ZNF532: variants seen among roughly 807,000 people sequenced by gnomAD.
ZNF532 encodes the protein zinc finger protein 532.
In ZNF532, 22 loss-of-function variants were observed where a neutral mutation model predicts 89.3. The ratio of observed to expected loss-of-function variants is 0.25; its 90% CI spans 0.18 to 0.35. ZNF532 has a LOEUF of 0.35. Among genes scored for constraint, ZNF532 ranks in the 10% least tolerant of loss-of-function variants. The probability of loss-of-function intolerance (pLI) is 1.00; values close to 1 mark genes in which losing one functional copy is unlikely to be tolerated. For synonymous variants in ZNF532, 606 were observed against 649.6 expected (o/e 0.93, Z 1.02); for missense variants, 1,132 against 1,643.4 (o/e 0.69, Z 5.38).
chr18:58,922,295 T>C (rs1365291647), intron 3 of ZNF532, among the ~76,000 whole-genome samples: 2 of 152,216 alleles, frequency 1.3e-5, no homozygotes, highest in African/African-American at 4.8e-5. Context: ...GCTATCTTGG[T>C]GATTAGTTCC....
chr18:58,948,325 C>T, intron 6 of ZNF532, 96 bp downstream of exon 6: 4 of 1,299,984 alleles, frequency 3.1e-6, no homozygotes, highest in Non-Finnish European at 4.2e-6. Context: ...AAGCATGCCT[C>T]ACTGTCGAGG....
At chr18:58,941,470 T>C (rs534786536) in intron 5 of ZNF532, among the ~76,000 whole-genome samples, 83 of 141,370 alleles carry the variant, frequency 5.9e-4, no homozygotes, top group South Asian at 2.3e-3. Context: ...CTCTCTCTCT[T>C]TTTTTTTTTT....
At chr18:58,967,866 G>A (rs530092048) in intron 7 of ZNF532, among the ~76,000 whole-genome samples, 21 of 152,306 alleles carry the variant, frequency 1.4e-4, no homozygotes, top group African/African-American at 4.3e-4. Context: ...ATTGCCGGCC[G>A]AAAGGGAGTG....
chr18:58,883,779 C>G (rs770915813), intron 2 of ZNF532, among the ~76,000 whole-genome samples: 4 of 152,156 alleles, frequency 2.6e-5, no homozygotes, highest in African/African-American at 4.8e-5. Context: ...AGCATGCCTC[C>G]TCCCCCAAGT....
intron 2 of ZNF532, among the ~76,000 whole-genome samples, chr18:58,895,658 G>T (rs1353904719): frequency 6.6e-6 from 1 of 152,134 alleles, no homozygotes; most frequent in Non-Finnish European, 1.5e-5. Context: ...AGCTTGAAAT[G>T]TATCCCAGTG....
At chr18:58,906,016 G>T (rs1224461055) in intron 2 of ZNF532, among the ~76,000 whole-genome samples, 1 of 152,216 alleles carries the variant, frequency 6.6e-6, no homozygotes, top group African/African-American at 2.4e-5. Context: ...CTCGGAGGCA[G>T]TGTGCCATTC....
chr18:58,975,017 C>T (rs1390858959), intron 7 of ZNF532, among the ~76,000 whole-genome samples: 1 of 152,110 alleles, frequency 6.6e-6, no homozygotes, highest in Non-Finnish European at 1.5e-5. Context: ...TTTAGGAGCA[C>T]CGATGTTGCA....
intron 2 of ZNF532, among the ~76,000 whole-genome samples, chr18:58,895,565 C>A (rs1427845609): frequency 6.6e-6 from 1 of 152,222 alleles, no homozygotes; most frequent in African/African-American, 2.4e-5. Context: ...ACGGACGGGC[C>A]TGCCTGTTGG....
At chr18:58,949,249 C>G (rs2063932436) in intron 6 of ZNF532, among the ~76,000 whole-genome samples, 1 of 152,126 alleles carries the variant, frequency 6.6e-6, no homozygotes, top group South Asian at 2.1e-4. Context: ...TAACTGTCCA[C>G]TGTAATATGT....
intron 2 of ZNF532, among the ~76,000 whole-genome samples, chr18:58,885,114 G>A (rs1217329668): frequency 3.3e-5 from 5 of 151,420 alleles, no homozygotes; most frequent in African/African-American, 7.3e-5. Context: ...TCAGCCTTCC[G>A]AGTAGCTGGG....
chr18:58,934,736 C>T, intron 4 of ZNF532, 122 bp downstream of exon 4: 12 of 954,472 alleles, frequency 1.3e-5, no homozygotes, highest in Non-Finnish European at 1.7e-5. Flanking sequence ...AACAGATCCT[C>T]TGGGAACCTA....
At chr18:58,873,432 T>C (rs1364649769) in intron 2 of ZNF532, among the ~76,000 whole-genome samples, 1 of 152,106 alleles carries the variant, frequency 6.6e-6, no homozygotes, top group African/African-American at 2.4e-5. Context: ...AGCTGGTCTT[T>C]GATGATTTTG....
intron 2 of ZNF532, among the ~76,000 whole-genome samples, chr18:58,906,654 T>G (rs78132082): frequency 6.6e-6 from 1 of 152,346 alleles, no homozygotes; most frequent in East Asian, 1.9e-4. Flanking sequence ...CCTTCTCCCA[T>G]GACCTCACTT....
rs776516812 is a variant in ZNF532 at position 58,939,582 on chromosome 18, C to T, written c.2666C>T (p.Ala889Val). The T allele has an allele frequency of 5.6e-6, 9 of 1,613,900 alleles. No homozygotes were observed. Among genetic ancestry groups the T allele is most frequent in the Non-Finnish European group, 7.6e-6 (9 of 1,179,970 alleles). ...TCTGCCCCAAGCACACATTCCCACGCCTACACACAGCATCCTGGCATCAAG... is the reference window on the plus strand; with the variant it reads ...TCTGCCCCAAGCACACATTCCCACGTCTACACACAGCATCCTGGCATCAAG... ...FKSAPSTHSHAYTQHPGIKIG... is the reference protein window; with the variant it reads ...FKSAPSTHSHVYTQHPGIKIG... The change falls in exon 5 of 10, where the codon GCC becomes GTC. Residue 889 changes from alanine (A) to valine (V), a missense_variant. Around this residue, in one of 9 missense-constraint regions of ZNF532, gnomAD observed 415 missense variants for 604.8 expected, o/e 0.69. Coordinates refer to ENST00000591808, the MANE Select transcript of ZNF532 (RefSeq NM_001375912.1).
chr18:58,906,329 G>A (rs1471211908), intron 2 of ZNF532, among the ~76,000 whole-genome samples: 2 of 151,968 alleles, frequency 1.3e-5, no homozygotes, highest in African/African-American at 4.8e-5. Context: ...TAATATTTTG[G>A]GTTGTAACAC....
chr18:58,918,185 T>C (rs969229560), intron 2 of ZNF532, 86 bp from the exon 3 acceptor site: 8 of 1,233,842 alleles, frequency 6.5e-6, no homozygotes, highest in Non-Finnish European at 8.9e-6. Context: ...TAGTAATCGT[T>C]ATGTTAGTGT....
chr18:58,940,923 TACACACAC>T (rs200614911), intron 5 of ZNF532, among the ~76,000 whole-genome samples: 72 of 118,644 alleles, frequency 6.1e-4, no homozygotes, highest in East Asian at 3.9e-3. Flanking sequence ...TGCCATATTT[TACACACAC>T]ACACACACAC....
chr18:58,934,445 A>C lies in ZNF532; in HGVS notation c.2359A>C (p.Ile787Leu). The C allele has an allele frequency of 6.2e-7, 1 of 1,613,850 alleles. No homozygotes were observed. The highest frequency in any genetic ancestry group is 2.2e-5 in the East Asian group (1 of 44,890). The change falls in exon 4 of 10, where the codon ATC becomes CTC. Residue 787 changes from isoleucine to leucine, a missense_variant. By Grantham distance (5) the Ile-to-Leu change is conservative (BLOSUM62 2). Transcript: ENST00000591808. ...ADTSGQKTCT[I>L]CQMLLPNQCS... ...TTGGTTTGTTTAGAAGACTTGCACTATCTGCCAGATGCTGCTTCCTAACCA... is the reference window on the plus strand; with the variant it reads ...TTGGTTTGTTTAGAAGACTTGCACTCTCTGCCAGATGCTGCTTCCTAACCA...
At chr18:58,899,003 A>G (rs1327708952) in intron 2 of ZNF532, among the ~76,000 whole-genome samples, 2 of 152,254 alleles carry the variant, frequency 1.3e-5, no homozygotes, top group African/African-American at 2.4e-5. Flanking sequence ...GTTGTCTACC[A>G]CGCAGGCCGG....
Sources: allele counts gnomAD v4.1 joint callset (sites outside exome capture counted in the v4.1 genomes callset), GRCh38; gene constraint gnomAD v4.1.1; regional missense constraint gnomAD v4.1.1; transcripts MANE v1.5; gene names NCBI Gene and HGNC (gene_info 2026-07-23, HGNC 2026-07-21).